The following ANKS3 variants were observed in gnomAD, a reference collection of about 807,000 sequenced individuals.
ANKS3 encodes ankyrin repeat and sterile alpha motif domain containing 3, also known as ankyrin repeat and SAM domain-containing protein 3.
ANKS3 carries 62 observed loss-of-function variants against 80.7 expected under a neutral mutation model. The ratio of observed to expected loss-of-function variants is 0.77; its 90% confidence interval spans 0.63 to 0.95. ANKS3 has a LOEUF of 0.95. Ranked by LOEUF, ANKS3 falls within the 40% of genes least tolerant of loss-of-function variation. The pLI, the probability that ANKS3 is intolerant of heterozygous loss-of-function variation, is 0.00. For synonymous variants in ANKS3, 489 were observed against 355.3 expected (o/e 1.38, Z -4.23); for missense variants, 1,150 against 883.6 (o/e 1.30, Z -3.82).
chr16:4,734,004 A>G lies in ANKS3; in HGVS notation c.-137T>C. 1.0e-6 allele frequency: 1 copy of G among 985,336 alleles called. No individual in the cohort carries two copies. The allele number at this position is 985,336 out of a possible 1,614,324, so 61.0% of individuals were successfully genotyped here. A position where few individuals can be genotyped will look rare whatever the true frequency, so the allele number is the denominator to read the frequency against. On this transcript the variant is annotated 5_prime_UTR_variant, in exon 1 of 18. Coordinates refer to ENST00000304283, the MANE Select transcript of ANKS3 (RefSeq NM_133450.4). ...GGAACGCTACGGCGCACAGGGCATT[A>G]CTGTGCCCCCACCACAACCACATAA...
chr16:4,698,325 C>T (rs952899515), intron 14 of ANKS3, 102 bp downstream of exon 14: 105 of 1,407,896 alleles, frequency 7.5e-5, no homozygotes, highest in South Asian at 8.9e-5. Context: ...CCCTGAAATC[C>T]ACCCCTCAGT....
intron 6 of ANKS3, among the ~76,000 whole-genome samples, chr16:4,722,433 A>T: frequency 6.6e-6 from 1 of 151,924 alleles, no homozygotes; most frequent in Non-Finnish European, 1.5e-5. Context: ...ACAAAAAATT[A>T]GCCGGGATTT....
rs529703831 is a variant in ANKS3 at position 4,731,544 on chromosome 16, G to A, written c.-35C>T. On this transcript the variant is annotated 5_prime_UTR_variant, in exon 2 of 18. Transcript: ENST00000304283. ...GATCCGCCCGCCTCAGCCTCTCAAAGTCCTGGAAATATAGGCGTGAGCCAC... is the reference window on the plus strand; with the variant it reads ...GATCCGCCCGCCTCAGCCTCTCAAAATCCTGGAAATATAGGCGTGAGCCAC... 1.2e-6 allele frequency: 1 copy of A among 802,090 alleles called. No homozygotes were observed. The highest frequency in any genetic ancestry group is 1.9e-5 in the African/African-American group (1 of 53,856). The allele number at this position is 802,090 out of a possible 1,614,324, so 49.7% of individuals were successfully genotyped here. A position where few individuals can be genotyped will look rare whatever the true frequency, so the allele number is the denominator to read the frequency against.
intron 8 of ANKS3, among the ~76,000 whole-genome samples, chr16:4,702,961 C>G (rs1443609521): frequency 1.3e-5 from 2 of 152,158 alleles, no homozygotes; most frequent in Non-Finnish European, 2.9e-5. Flanking sequence ...TATGATCGTG[C>G]CACTGCACTC....
At chr16:4,721,249 G>A (rs941448765) in intron 6 of ANKS3, among the ~76,000 whole-genome samples, 2 of 149,104 alleles carry the variant, frequency 1.3e-5, no homozygotes, top group South Asian at 2.1e-4. Flanking sequence ...AGGTTGCAGT[G>A]AGCCGAGATC....
intron 7 of ANKS3, among the ~76,000 whole-genome samples, chr16:4,707,379 T>C (rs1187850403): frequency 1.3e-5 from 2 of 151,736 alleles, no homozygotes; most frequent in Non-Finnish European, 2.9e-5. Flanking sequence ...CCTCCCGGGT[T>C]CAAGTGATTC....
rs1449093154 is a variant in ANKS3, at chr16:4,705,226, T to C, written c.737A>G (p.Asp246Gly). ...TCTCTGAGGAGCAGGGCAGGACTCG[T>C]CAGAAGAGCTCAGATCTTCGTACTT... ...PEKYEDLSSS[D>G]ESCPAPQRQR... Residue 246 changes from aspartate (D) to glycine (G), a missense_variant, in exon 8 of 18, where the codon GAC becomes GGC. Asp to Gly is a moderately conservative substitution (Grantham distance 94). Coordinates refer to ENST00000304283, the MANE Select transcript of ANKS3 (RefSeq NM_133450.4). The C allele has an allele frequency of 6.2e-7, 1 of 1,613,968 alleles. No homozygotes were observed. Among genetic ancestry groups the C allele is most frequent in the Non-Finnish European group, 8.5e-7 (1 of 1,180,010 alleles).
In ANKS3 at chr16:4,714,427, G is replaced by A. The variant is rs192842502; in HGVS notation, c.574-241C>T. The A allele has an allele frequency of 1.3e-3, 719 of 555,350 alleles. 2 individuals carry two copies. The highest frequency in any genetic ancestry group is 0.012 in the African/African-American group (625 of 52,860). The allele number at this position is 555,350 out of a possible 1,614,324, so 34.4% of individuals were successfully genotyped here. ...TGGGGGCTGGGGAGTCATCTCCCACGCTCATGACCTCCCTTGCAGGGGGCT... is the reference window on the plus strand; with the variant it reads ...TGGGGGCTGGGGAGTCATCTCCCACACTCATGACCTCCCTTGCAGGGGGCT... On this transcript the variant is annotated intron_variant, in intron 6 of 17. Transcript: ENST00000304283.
chr16:4,727,308 G>C (rs911854594), intron 3 of ANKS3, 131 bp from the exon 4 acceptor site: 2 of 916,884 alleles, frequency 2.2e-6, no homozygotes, highest in Admixed American at 2.2e-5. Context: ...CCTGGACGTT[G>C]TGGGGATTGG....
At chr16:4,699,354 C>A in intron 11 of ANKS3, 178 bp from the exon 12 acceptor site, 5 of 809,624 alleles carry the variant, frequency 6.2e-6, no homozygotes, top group Non-Finnish European at 9.6e-6. Flanking sequence ...ATGTTGCAGG[C>A]AGGTGAGTCC....
intron 6 of ANKS3, 142 bp from the exon 7 acceptor site, chr16:4,714,328 A>T (rs2080659412): frequency 1.6e-6 from 2 of 1,266,342 alleles, no homozygotes; most frequent in East Asian, 4.7e-5. Flanking sequence ...TGCATGAGAA[A>T]GAGGCAGGCT....
Position 4,697,011 on chromosome 16 carries a change from A to G in ANKS3, c.*11+6T>C. On this transcript the variant is annotated splice_donor_region_variant and intron_variant, in intron 17 of 17. Coordinates refer to ENST00000304283, the MANE Select transcript of ANKS3 (RefSeq NM_133450.4). The stretch of plus-strand genomic sequence containing the variant: ...CCACGCGGGATCCAGGCTGGCAGAC[A>G]CTCACCGGCCCGCAGGCTAGGTCTC... 6.2e-7 allele frequency: 1 copy of G among 1,611,174 alleles called. No homozygotes were observed. Among genetic ancestry groups the G allele is most frequent in the South Asian group, 1.1e-5 (1 of 90,638 alleles).
intron 5 of ANKS3, chr16:4,725,057 C>T: frequency 2.6e-6 from 1 of 386,882 alleles, no homozygotes; most frequent in Non-Finnish European, 4.6e-6. Flanking sequence ...GTCCTAAAGA[C>T]AGATGTCTGC....
intron 17 of ANKS3, 26 bp downstream of exon 17, chr16:4,696,991 C>T (rs545952268): frequency 9.3e-6 from 15 of 1,607,762 alleles, no homozygotes; most frequent in East Asian, 8.9e-5. Context: ...TCCCACCACG[C>T]GGGATCCAGG....
At chr16:4,729,757 G>C (rs1384608986) in intron 3 of ANKS3, 1 of 383,258 alleles carries the variant, frequency 2.6e-6, no homozygotes. Flanking sequence ...CTGTTTATAA[G>C]CTTCTGATCA....
Position 4,734,021 on chromosome 16 carries a change from A to G in ANKS3, c.-154T>C. ...AGGGCATTACTGTGCCCCCACCACA[A>G]CCACATAAAGAAAATGTGGGGGCTC... On this transcript the variant is annotated 5_prime_UTR_variant, in exon 1 of 18. Transcript: ENST00000304283. The G allele has an allele frequency of 1.0e-6, 1 of 985,310 alleles. No homozygotes were observed. The highest frequency in any genetic ancestry group is 1.2e-6 in the Non-Finnish European group (1 of 829,832). 61.0% of individuals were successfully genotyped at this position (985,310 alleles called of 1,614,324 possible).
intron 7 of ANKS3, among the ~76,000 whole-genome samples, chr16:4,706,737 G>A (rs149633954): frequency 2.0e-5 from 3 of 152,310 alleles, no homozygotes; most frequent in East Asian, 1.9e-4. Flanking sequence ...AGGAGGAAAT[G>A]ATGAGATCTC....
At chr16:4,716,466 A>G (rs2080802677) in intron 6 of ANKS3, among the ~76,000 whole-genome samples, 1 of 151,378 alleles carries the variant, frequency 6.6e-6, no homozygotes, top group South Asian at 2.1e-4. Flanking sequence ...CTTGACCCCC[A>G]TATGTAGTTG....
intron 3 of ANKS3, chr16:4,727,659 C>T (rs1457064093): frequency 5.4e-6 from 1 of 184,856 alleles, no homozygotes; most frequent in African/African-American, 2.4e-5. Flanking sequence ...CTGGCATCTA[C>T]TAGCCCACTG....
Sources: gnomAD v4.1 joint callset for allele counts (sites outside exome capture counted in the v4.1 genomes callset) on GRCh38, gnomAD v4.1.1 for gene constraint, MANE v1.5 for transcripts, NCBI Gene and HGNC (gene_info 2026-07-23, HGNC 2026-07-21) for gene names.